The following COL28A1 variants were observed in gnomAD, a reference collection of about 807,000 sequenced individuals.
COL28A1 encodes collagen alpha-1(XXVIII) chain.
Under a neutral mutation model 150.2 loss-of-function variants are expected in COL28A1, and 161 were observed. That is an observed-to-expected ratio of 1.07 (90% CI 0.94 to 1.22). The LOEUF (loss-of-function observed/expected upper bound fraction) is 1.22, where lower values mean the gene tolerates loss of function less well. Ranked by LOEUF, COL28A1 falls within the 50% of genes most tolerant of loss-of-function variation. The pLI is 0.00. For missense variants in COL28A1, 1,617 were observed against 1,388.3 expected (o/e 1.16, Z -2.62); for synonymous variants, 552 against 469.7 (o/e 1.18, Z -2.26).
At chr7:7,409,167 A>G (rs768128538) in intron 27 of COL28A1, among the ~76,000 whole-genome samples, 1 of 152,152 alleles carries the variant, frequency 6.6e-6, no homozygotes, top group Non-Finnish European at 1.5e-5. Context: ...CTAAAAGGAG[A>G]TGGAGAAAAA....
chr7:7,524,168 G>C, intron 4 of COL28A1, 61 bp downstream of exon 4: 2 of 884,754 alleles, frequency 2.3e-6, no homozygotes, highest in South Asian at 1.4e-5. Context: ...GAATTATAAT[G>C]CTGATTTGAT....
intron 20 of COL28A1, among the ~76,000 whole-genome samples, chr7:7,442,943 G>GA (rs1785926434): frequency 6.6e-6 from 1 of 151,428 alleles, no homozygotes; most frequent in Admixed American, 6.6e-5. Flanking sequence ...GCTGAGGCAG[G>GA]AAAATCGCTT....
At chr7:7,362,653 C>A (rs1297554158) in intron 33 of COL28A1, among the ~76,000 whole-genome samples, 1 of 152,112 alleles carries the variant, frequency 6.6e-6, no homozygotes, top group Non-Finnish European at 1.5e-5. Context: ...ATATAAAGGG[C>A]ACACAATTCA....
chr7:7,357,874 G>C (rs1780414885), downstream of COL28A1: 3 of 152,152 alleles, frequency 2.0e-5, no homozygotes, highest in South Asian at 6.2e-4. Context: ...CCAACTTCAA[G>C]TGGTTCCTGG....
intron 27 of COL28A1, among the ~76,000 whole-genome samples, chr7:7,388,311 C>G (rs1460350352): frequency 1.3e-5 from 2 of 152,168 alleles, no homozygotes; most frequent in South Asian, 2.1e-4. Context: ...TGGTTTCCAG[C>G]TTCATCCATG....
At chr7:7,447,438 A>C (rs1242022778) in intron 18 of COL28A1, among the ~76,000 whole-genome samples, 1 of 151,348 alleles carries the variant, frequency 6.6e-6, no homozygotes, top group East Asian at 1.9e-4. Flanking sequence ...TAATAATAAT[A>C]TTTAATTTAA....
At chr7:7,461,753 C>G (rs531564030) in intron 15 of COL28A1, among the ~76,000 whole-genome samples, 1 of 152,140 alleles carries the variant, frequency 6.6e-6, no homozygotes, top group South Asian at 2.1e-4. Context: ...GAAGTAGAGT[C>G]TGAGCTCAGA....
At chr7:7,421,105 G>A (rs1784372007) in intron 25 of COL28A1, among the ~76,000 whole-genome samples, 2 of 152,170 alleles carry the variant, frequency 1.3e-5, no homozygotes, top group Non-Finnish European at 2.9e-5. Flanking sequence ...CCATCAACTG[G>A]TGAATGGACA....
At chr7:7,505,161 C>T (rs1780741565) in intron 11 of COL28A1, among the ~76,000 whole-genome samples, 1 of 152,160 alleles carries the variant, frequency 6.6e-6, no homozygotes, top group Non-Finnish European at 1.5e-5. Context: ...ATTATACTGT[C>T]ACTCTCTTTC....
chr7:7,458,976 C>G (rs377603011), intron 15 of COL28A1, among the ~76,000 whole-genome samples: 4 of 152,156 alleles, frequency 2.6e-5, no homozygotes, highest in Admixed American at 2.0e-4. Context: ...GAGGCCTTAT[C>G]AGAGGCGTGT....
At chr7:7,518,719 G>C (rs1781551005) in intron 6 of COL28A1, among the ~76,000 whole-genome samples, 2 of 152,052 alleles carry the variant, frequency 1.3e-5, no homozygotes, top group African/African-American at 4.8e-5. Context: ...TTGCTATAAT[G>C]AAAGAAATGT....
chr7:7,401,324 A>G (rs575784449), intron 27 of COL28A1, among the ~76,000 whole-genome samples: 61 of 152,082 alleles, frequency 4.0e-4, no homozygotes, highest in African/African-American at 1.4e-3. Flanking sequence ...TCCAGTCTCA[A>G]GACTTTAAAT....
In COL28A1 at chr7:7,450,409, T is replaced by C. The variant is rs570222941; in HGVS notation, c.1509+1910A>G. 3.9e-5 allele frequency among the ~76,000 whole-genome samples: 6 copies of C among 152,236 alleles called. No individual in the cohort carries two copies. In the South Asian group the frequency reaches 6.2e-4, roughly 16 times the overall value. ...CACAAATCACAAAGGGATAGAAATA[T>C]AGAATTTAAAACTTCTGTATACTAA... is the stretch of plus-strand genomic sequence containing the variant. On this transcript the variant is annotated intron_variant, in intron 18 of 34. Transcript: ENST00000399429.
At position 7,524,241 on chromosome 7, in the gene COL28A1, TA is replaced by T; in HGVS notation, c.689del (p.Leu230TyrfsTer76). On this transcript the variant is annotated frameshift_variant, in exon 4 of 35. Transcript: ENST00000399429. LOFTEE classifies it high-confidence loss of function. ...ATGTGGTGCTTACCTTCTTTTCAAATAAGATATCCTACAAGGGAAAAAAGAA... is the reference window on the plus strand; with the variant it reads ...ATGTGGTGCTTACCTTCTTTTCAAATAGATATCCTACAAGGGAAAAAAGAA... ...VDKIQDRLDI[L>X]FEKKCERKIC... 1 of 1,357,470 alleles carries T rather than the reference TA, an allele frequency of 7.4e-7. No homozygotes were observed. Among genetic ancestry groups the T allele is most frequent in the Non-Finnish European group, 1.1e-6 (1 of 946,098 alleles). 84.1% of individuals were successfully genotyped at this position (1,357,470 alleles called of 1,614,324 possible).
At chr7:7,376,199 AG>A (rs147715691) in intron 30 of COL28A1, among the ~76,000 whole-genome samples, 3,854 of 152,174 alleles carry the variant, frequency 0.025, 167 homozygotes, top group African/African-American at 0.088. Context: ...AGACTAGAGA[AG>A]GCAGGATTCC....
In COL28A1 at chr7:7,484,819, T is replaced by A. The variant is rs1470407045; in HGVS notation, c.1164+4570A>T. Among the ~76,000 whole-genome samples, 19 of 152,194 alleles carry A rather than the reference T, an allele frequency of 1.2e-4. 1 individual carries two copies. Among genetic ancestry groups the A allele is most frequent in the Admixed American group, 1.2e-3 (19 of 15,274 alleles). The stretch of plus-strand genomic sequence containing the variant: ...ACAGCCATAAGAAAGAATGAGATCA[T>A]GTCCTTTGCAGCAACATGGATGGAG... On this transcript the variant is annotated intron_variant, in intron 13 of 34. Coordinates refer to ENST00000399429, the MANE Select transcript of COL28A1 (RefSeq NM_001037763.3).
downstream of COL28A1, among the ~76,000 whole-genome samples, chr7:7,351,476 G>A (rs1780229081): frequency 6.6e-6 from 1 of 152,058 alleles, no homozygotes; most frequent in African/African-American, 2.4e-5. Context: ...CCAGTTGCTT[G>A]GGGTGTTTGT....
intron 22 of COL28A1, among the ~76,000 whole-genome samples, chr7:7,436,965 G>T (rs1785389410): frequency 6.6e-6 from 1 of 152,306 alleles, no homozygotes; most frequent in African/African-American, 2.4e-5. Flanking sequence ...TTGACCCCAA[G>T]AAGTGGAGGT....
At chr7:7,516,675 T>G (rs73674573) in intron 7 of COL28A1, among the ~76,000 whole-genome samples, 42,080 of 152,172 alleles carry the variant, frequency 0.28, 5,992 homozygotes, top group Middle Eastern at 0.38. Flanking sequence ...ACCTATTTAA[T>G]AAATAAGCTA....
Sources: gnomAD v4.1 joint callset for allele counts (sites outside exome capture counted in the v4.1 genomes callset) on GRCh38, gnomAD v4.1.1 for gene constraint, MANE v1.5 for transcripts, NCBI Gene and HGNC (gene_info 2026-07-23, HGNC 2026-07-21) for gene names.